Variants in KMT2E observed in about 807,000 individuals in gnomAD.
The protein encoded by KMT2E is histone reader KMT2E.
In KMT2E, 30 loss-of-function variants were observed where a neutral mutation model predicts 184.6. That is an observed-to-expected ratio of 0.16 (90% CI 0.12 to 0.22). The LOEUF (loss-of-function observed/expected upper bound fraction) is 0.22. Ranked by LOEUF, KMT2E falls within the 10% of genes least tolerant of loss-of-function variation. KMT2E has a pLI of 1.00. For synonymous variants in KMT2E, 815 were observed against 776.5 expected (o/e 1.05, Z -0.82); for missense variants, 2,023 against 2,237.4 (o/e 0.90, Z 1.93).
intron 1 of KMT2E, among the ~76,000 whole-genome samples, chr7:105,022,524 G>A (rs1794999479): frequency 6.6e-6 from 1 of 151,930 alleles, no homozygotes; most frequent in South Asian, 2.1e-4. Flanking sequence ...TGATAGCTTA[G>A]TTAAGGTGTT....
At chr7:105,030,408 G>A (rs543620248) in intron 1 of KMT2E, among the ~76,000 whole-genome samples, 11 of 152,316 alleles carry the variant, frequency 7.2e-5, no homozygotes, top group Middle Eastern at 3.4e-3. Context: ...AGAGGAATGA[G>A]CAAGGATATG....
chr7:105,068,256 A>G (rs1797124002), intron 6 of KMT2E, among the ~76,000 whole-genome samples: 1 of 150,472 alleles, frequency 6.6e-6, no homozygotes, highest in African/African-American at 2.5e-5. Flanking sequence ...TTTAGGTTCA[A>G]TTTCTTTTTT....
chr7:105,101,281 T>C, intron 15 of KMT2E, 144 bp from the exon 16 acceptor site: 1 of 506,366 alleles, frequency 2.0e-6, no homozygotes, highest in Non-Finnish European at 3.3e-6. Flanking sequence ...AGAAATGTTT[T>C]TTCTCCCCAT....
Position 105,076,956 on chromosome 7 carries a change from A to T in KMT2E, c.769-7A>T. On this transcript the variant is annotated splice_region_variant and splice_polypyrimidine_tract_variant and intron_variant, in intron 9 of 26. Coordinates refer to ENST00000311117, the MANE Select transcript of KMT2E (RefSeq NM_182931.3). ...TCCAGATACTAAAGCTCAGTTTATG[A>T]TTTTAGGGTTCAGCTCCAGAGATTG... 6.3e-7 allele frequency: 1 copy of T among 1,595,244 alleles called. No homozygotes were observed. Among genetic ancestry groups the T allele is most frequent in the Non-Finnish European group, 8.6e-7 (1 of 1,168,716 alleles).
chr7:105,101,794 A>C (rs989772131), intron 16 of KMT2E, 92 bp from the exon 17 acceptor site: 17 of 1,149,136 alleles, frequency 1.5e-5, no homozygotes, highest in Non-Finnish European at 2.4e-6. Flanking sequence ...AAAATTCCAG[A>C]AAGTTGGCTT....
At chr7:105,085,000 GACT>G (rs772675356) in intron 13 of KMT2E, among the ~76,000 whole-genome samples, 38 of 151,826 alleles carry the variant, frequency 2.5e-4, no homozygotes, top group Non-Finnish European at 5.3e-4. Flanking sequence ...TGATAGAATA[GACT>G]ACTATCTACA....
chr7:105,025,172 A>G (rs982145303), intron 1 of KMT2E, among the ~76,000 whole-genome samples: 1 of 152,176 alleles, frequency 6.6e-6, no homozygotes, highest in Non-Finnish European at 1.5e-5. Context: ...GCTGTATTGT[A>G]TAGAGTAGAG....
intron 1 of KMT2E, among the ~76,000 whole-genome samples, chr7:105,020,630 T>C (rs1289568116): frequency 1.3e-5 from 2 of 152,232 alleles, no homozygotes; most frequent in Non-Finnish European, 2.9e-5. Flanking sequence ...TCATGTTTTA[T>C]CTGAGACCAA....
At chr7:105,100,655 G>C (rs189740057) in intron 15 of KMT2E, among the ~76,000 whole-genome samples, 6 of 152,302 alleles carry the variant, frequency 3.9e-5, no homozygotes, top group Admixed American at 6.5e-5. Context: ...AGTGAAGACA[G>C]GAAGAGCAGA....
intron 23 of KMT2E, among the ~76,000 whole-genome samples, chr7:105,109,687 A>G (rs1205347407): frequency 6.6e-6 from 1 of 152,140 alleles, no homozygotes; most frequent in East Asian, 1.9e-4. Context: ...ATGTTTTGGT[A>G]CCTTTGGTAA....
intron 1 of KMT2E, among the ~76,000 whole-genome samples, chr7:105,032,281 TAAA>T (rs762904919): frequency 1.1e-4 from 16 of 151,620 alleles, no homozygotes; most frequent in Non-Finnish European, 1.8e-4. Context: ...CTGTCTCTAC[TAAA>T]AATACAAAAA....
chr7:105,090,678 G>A (rs759413984), intron 14 of KMT2E, among the ~76,000 whole-genome samples: 21 of 152,074 alleles, frequency 1.4e-4, no homozygotes, highest in Non-Finnish European at 2.2e-4. Flanking sequence ...AAATTTTTGA[G>A]AGAAAATTCA....
At chr7:105,066,375 C>T (rs539889995) in intron 5 of KMT2E, among the ~76,000 whole-genome samples, 1 of 152,056 alleles carries the variant, frequency 6.6e-6, no homozygotes, top group African/African-American at 2.4e-5. Context: ...ATTTCCCAAA[C>T]GAGGTTCGAG....
chr7:105,102,254 G>C (rs1798687208), intron 17 of KMT2E, 60 bp downstream of exon 17: 1 of 1,433,290 alleles, frequency 7.0e-7, no homozygotes, highest in Non-Finnish European at 9.3e-7. Flanking sequence ...TAATTATATT[G>C]TTGTTTTAAA....
At chr7:105,085,730 A>T (rs1230320341) in intron 13 of KMT2E, among the ~76,000 whole-genome samples, 4 of 147,186 alleles carry the variant, frequency 2.7e-5, no homozygotes. Context: ...GTCGCCTAGG[A>T]TGGAGTGTGG....
At chr7:105,036,989 T>C (rs1442752089) in intron 1 of KMT2E, among the ~76,000 whole-genome samples, 1 of 152,176 alleles carries the variant, frequency 6.6e-6, no homozygotes, top group Non-Finnish European at 1.5e-5. Flanking sequence ...CTTTTCATTT[T>C]ACCTTAGTCA....
At position 105,072,094 on chromosome 7, in the gene KMT2E, A is replaced by G. The variant is rs1006935063; in HGVS notation, c.498-1525A>G. On this transcript the variant is annotated intron_variant, in intron 6 of 26. Transcript: ENST00000311117. Reference sequence around the variant, plus strand: ...TGGGGGAGGCCCAGGCGGGTGGATCATGAGGTCAGAAGATTGAGACCATCC... The same window carrying G: ...TGGGGGAGGCCCAGGCGGGTGGATCGTGAGGTCAGAAGATTGAGACCATCC... Among the ~76,000 whole-genome samples, 3 of 152,056 alleles carry G rather than the reference A, an allele frequency of 2.0e-5. No homozygotes were observed. In the East Asian group the frequency reaches 5.9e-4, roughly 30 times the overall value.
chr7:105,069,407 T>C (rs1797187422), intron 6 of KMT2E, among the ~76,000 whole-genome samples: 1 of 152,234 alleles, frequency 6.6e-6, no homozygotes, highest in African/African-American at 2.4e-5. Context: ...AAGAATATAA[T>C]AGTCTTGGAG....
At chr7:105,089,114 T>G in intron 13 of KMT2E, 1 of 279,926 alleles carries the variant, frequency 3.6e-6, no homozygotes. Flanking sequence ...ACTCAAAGTT[T>G]TAATGTGTTT....
Sources: gnomAD v4.1 joint callset for allele counts (sites outside exome capture counted in the v4.1 genomes callset) on GRCh38, gnomAD v4.1.1 for gene constraint, MANE v1.5 for transcripts, NCBI Gene and HGNC (gene_info 2026-07-23, HGNC 2026-07-21) for gene names.